NOTCH2NLA: variants seen among roughly 807,000 people sequenced by gnomAD.
The protein encoded by NOTCH2NLA is notch 2 N-terminal like A, also known as notch homolog 2 N-terminal-like protein A.
chr1:146,180,968 C>CA (rs1662521523), intron 2 of NOTCH2NLA, among the ~76,000 whole-genome samples: 1 of 82,184 alleles, frequency 1.2e-5, no homozygotes, highest in South Asian at 3.8e-4. Flanking sequence ...TGCTTAGTCA[C>CA]AAAAAAAGGG....
rs1260077202 is a variant in NOTCH2NLA at position 146,180,367 on chromosome 1, T to C, written c.38+8933A>G. On this transcript the variant is annotated intron_variant, in intron 2 of 4. Transcript: ENST00000362074. ...TAAATAATGTCTTTCTTAGTCTTTATTTTCACTTTTCTTTCATAAAACTCT... is the reference window on the plus strand; with the variant it reads ...TAAATAATGTCTTTCTTAGTCTTTACTTTCACTTTTCTTTCATAAAACTCT... Among the ~76,000 whole-genome samples the C allele has an allele frequency of 2.1e-5, 3 of 142,476 alleles. 1 individual carries two copies. The highest frequency in any genetic ancestry group is 7.4e-5 in the African/African-American group (3 of 40,638). The allele number at this position is 142,476 out of a possible 152,430, so 93.5% of individuals were successfully genotyped here. A position where few individuals can be genotyped will look rare whatever the true frequency, so the allele number is the denominator to read the frequency against.
Position 146,228,674 on chromosome 1 carries a change from G to A in NOTCH2NLA, c.-45+35C>T, listed in dbSNP as rs1553820422. 3.3e-6 allele frequency: 5 copies of A among 1,492,858 alleles called. 1 individual carries two copies. Among genetic ancestry groups the A allele is most frequent in the Non-Finnish European group, 4.4e-6 (5 of 1,131,344 alleles). 92.5% of individuals were successfully genotyped at this position (1,492,858 alleles called of 1,614,324 possible). The stretch of plus-strand genomic sequence containing the variant: ...GGGTCGCCCCAGGTGGCAGCCCCGG[G>A]CGCCGCGGACAGCGCCCCTCAGCCC... On this transcript the variant is annotated intron_variant, in intron 1 of 4. Transcript: ENST00000362074.
chr1:146,155,533 CCTT>C (rs1553802386), exon 5 of NOTCH2NLA: 1 of 117,876 alleles, frequency 8.5e-6, no homozygotes, highest in African/African-American at 2.6e-5. Flanking sequence ...CTACAGTTTT[CCTT>C]CTTTTGTTTT....
Position 146,159,451 on chromosome 1 carries a change from A to AAG in NOTCH2NLA, c.299-2638_299-2637dup, listed in dbSNP as rs1455861960. ...AGAAAGAAAGAAAGAAAGAAAGAGA[A>AAG]AGAAAGAAAGAAAGGAAGGGAGAAA... On this transcript the variant is annotated intron_variant, in intron 3 of 4. Coordinates refer to ENST00000362074, the Ensembl canonical transcript of NOTCH2NLA. Among the ~76,000 whole-genome samples, 8 of 138,532 alleles carry AAG rather than the reference A, an allele frequency of 5.8e-5. No individual in the cohort carries two copies. In the South Asian group the frequency reaches 7.1e-4, roughly 12 times the overall value. The allele number at this position is 138,532 out of a possible 152,430, so 90.9% of individuals were successfully genotyped here. A position where few individuals can be genotyped will look rare whatever the true frequency, so the allele number is the denominator to read the frequency against.
chr1:146,160,025 GA>G (rs1477263819), intron 3 of NOTCH2NLA, among the ~76,000 whole-genome samples: 9 of 33,014 alleles, frequency 2.7e-4, no homozygotes, highest in African/African-American at 7.4e-4. Context: ...AACACACCAA[GA>G]AGAGATCCTT....
chr1:146,207,724 T>C lies in NOTCH2NLA; in HGVS notation c.-44-18343A>G, dbSNP rs1263447647. On this transcript the variant is annotated intron_variant, in intron 1 of 4. Transcript: ENST00000362074. ...CTACCAAATTGGTTTCATGACCCATTCGTGGTCATGATCTGCAGTTTAAAA... is the reference window on the plus strand; with the variant it reads ...CTACCAAATTGGTTTCATGACCCATCCGTGGTCATGATCTGCAGTTTAAAA... Among the ~76,000 whole-genome samples the C allele has an allele frequency of 3.1e-3, 213 of 67,702 alleles. 7 individuals carry two copies. Among genetic ancestry groups the C allele is most frequent in the Admixed American group, 0.027 (172 of 6,398 alleles). 44.4% of individuals were successfully genotyped at this position (67,702 alleles called of 152,430 possible).
chr1:146,154,015 A>G, downstream of NOTCH2NLA: 1 of 77,370 alleles, frequency 1.3e-5, no homozygotes, highest in Non-Finnish European at 2.8e-5. Flanking sequence ...ATACACACAC[A>G]CACACACACA....
intron 1 of NOTCH2NLA, among the ~76,000 whole-genome samples, chr1:146,228,193 C>A (rs1664295193): frequency 6.8e-6 from 1 of 146,226 alleles, no homozygotes; most frequent in South Asian, 2.1e-4. Context: ...GCCCACACAC[C>A]CGGCCCATGT....
At position 146,158,658 on chromosome 1, in the gene NOTCH2NLA, T is replaced by C. The variant is rs1553803435; in HGVS notation, c.299-1843A>G. Among the ~76,000 whole-genome samples, 14 of 152,120 alleles carry C rather than the reference T, an allele frequency of 9.2e-5. No homozygotes were observed. In the South Asian group the frequency reaches 3.0e-3, roughly 32 times the overall value. On this transcript the variant is annotated intron_variant, in intron 3 of 4. Coordinates refer to ENST00000362074, the Ensembl canonical transcript of NOTCH2NLA. Reference sequence around the variant, plus strand: ...CATGTGTCTTTATAGCAGCACGATTTATAATTCTTTGGGTATATACCCAGT... The same window carrying C: ...CATGTGTCTTTATAGCAGCACGATTCATAATTCTTTGGGTATATACCCAGT...
chr1:146,159,183 C>T (rs1230033821), intron 3 of NOTCH2NLA, among the ~76,000 whole-genome samples: 22 of 151,910 alleles, frequency 1.4e-4, no homozygotes, highest in Admixed American at 2.6e-4. Flanking sequence ...CACGGTGAAA[C>T]GCCATCTTTT....
chr1:146,158,124 G>A (rs1328943642), intron 3 of NOTCH2NLA, among the ~76,000 whole-genome samples: 178 of 151,884 alleles, frequency 1.2e-3, no homozygotes, highest in African/African-American at 4.1e-3. Flanking sequence ...AGTCTAAGTC[G>A]CTTATTATTT....
chr1:146,228,963 C>T (rs782649136), exon 1 of NOTCH2NLA: 40 of 1,430,310 alleles, frequency 2.8e-5, no homozygotes, highest in South Asian at 1.7e-4. Flanking sequence ...CCGAGTCCGC[C>T]GCTCCTCGGC....
chr1:146,185,664 G>A (rs1191275851), intron 2 of NOTCH2NLA, among the ~76,000 whole-genome samples: 3 of 130,412 alleles, frequency 2.3e-5, no homozygotes, highest in Non-Finnish European at 3.6e-5. Flanking sequence ...GTAGCATTAT[G>A]CTGTCTAAAC....
Position 146,174,773 on chromosome 1 carries a change from G to A in NOTCH2NLA, c.39-9763C>T, listed in dbSNP as rs1380107618. Among the ~76,000 whole-genome samples the A allele has an allele frequency of 2.8e-5, 4 of 142,252 alleles. 1 individual carries two copies. Among genetic ancestry groups the A allele is most frequent in the Non-Finnish European group, 6.4e-5 (4 of 62,146 alleles). The allele number at this position is 142,252 out of a possible 152,430, so 93.3% of individuals were successfully genotyped here. ...CTGCCCTAGCTGAGCTCTAGAGGGG[G>A]GAGCTGTCGTTAAGGTAAATGAGGT... On this transcript the variant is annotated intron_variant, in intron 2 of 4. Coordinates refer to ENST00000362074, the Ensembl canonical transcript of NOTCH2NLA.
At chr1:146,158,203 A>G (rs1200292818) in intron 3 of NOTCH2NLA, among the ~76,000 whole-genome samples, 1 of 151,412 alleles carries the variant, frequency 6.6e-6, no homozygotes, top group African/African-American at 2.4e-5. Flanking sequence ...TCTAGGGTAC[A>G]CGTGCACAAC....
At chr1:146,149,835 C>A (rs200221929) in intron 4 of NOTCH2NLA, among the ~76,000 whole-genome samples, 11 of 121,786 alleles carry the variant, frequency 9.0e-5, no homozygotes, top group African/African-American at 3.5e-4. Context: ...TACCATCTGA[C>A]GCAGCAATTC....
At chr1:146,186,129 T>A (rs1221041318) in intron 2 of NOTCH2NLA, among the ~76,000 whole-genome samples, 1 of 134,460 alleles carries the variant, frequency 7.4e-6, no homozygotes, top group Non-Finnish European at 1.7e-5. Flanking sequence ...AATATGCTAA[T>A]ATTACTTTTG....
chr1:146,182,428 T>C (rs587633372), intron 2 of NOTCH2NLA, among the ~76,000 whole-genome samples: 39 of 139,982 alleles, frequency 2.8e-4, no homozygotes, highest in African/African-American at 9.6e-4. Context: ...TAAATACATG[T>C]AAACTACTTG....
At chr1:146,159,691 C>T (rs1462568342) in intron 3 of NOTCH2NLA, among the ~76,000 whole-genome samples, 5 of 121,032 alleles carry the variant, frequency 4.1e-5, no homozygotes, top group Admixed American at 8.6e-5. Flanking sequence ...CAGAATCGGC[C>T]GGGTGTGGTG....
Sources: gnomAD v4.1 joint callset for allele counts (sites outside exome capture counted in the v4.1 genomes callset) on GRCh38, gnomAD v4.1.1 for gene constraint, MANE v1.5 for transcripts, NCBI Gene and HGNC (gene_info 2026-07-23, HGNC 2026-07-21) for gene names.